Variants in SEMA5A observed in about 807,000 individuals in gnomAD.
SEMA5A encodes semaphorin 5A, also known as semaphorin-5A.
Under a neutral mutation model 135.5 loss-of-function variants are expected in SEMA5A, and 55 were observed. The observed-to-expected ratio is 0.41, with a 90% CI of 0.33 to 0.51. The LOEUF (loss-of-function observed/expected upper bound fraction) is 0.51, where lower values mean the gene tolerates loss of function less well. SEMA5A is among the 20% of genes least tolerant of loss of function. The pLI is 0.37. For synonymous variants in SEMA5A, 580 were observed against 546.5 expected, an observed-to-expected ratio of 1.06 and a Z score of -0.85; for missense variants, 1,290 against 1,419.9, an observed-to-expected ratio of 0.91 and a Z score of 1.47.
intron 12 of SEMA5A, among the ~76,000 whole-genome samples, chr5:9,143,282 A>C (rs1163417353): frequency 6.6e-6 from 1 of 152,182 alleles, no homozygotes; most frequent in African/African-American, 2.4e-5. Context: ...CTATATTGAA[A>C]ATACTAAGTC....
intron 5 of SEMA5A, among the ~76,000 whole-genome samples, chr5:9,274,023 C>T (rs1368844934): frequency 6.6e-6 from 1 of 152,082 alleles, no homozygotes; most frequent in South Asian, 2.1e-4. Context: ...TTAAATGCCC[C>T]AATTAAAAGA....
Position 9,082,445 on chromosome 5 carries a change from T to G in SEMA5A, c.2074-15799A>C, listed in dbSNP as rs1403919904. The stretch of plus-strand genomic sequence containing the variant: ...GGTTGATGTCTTGAAAACAATTTTC[T>G]TCTCTGAGTTCACTCAGAAGCGGGC... On this transcript the variant is annotated intron_variant, in intron 16 of 22. Coordinates refer to ENST00000382496, the MANE Select transcript of SEMA5A (RefSeq NM_003966.3). 2.0e-5 allele frequency among the ~76,000 whole-genome samples: 3 copies of G among 152,296 alleles called. No homozygotes were observed. In the East Asian group the frequency reaches 5.8e-4, roughly 29 times the overall value.
intron 16 of SEMA5A, among the ~76,000 whole-genome samples, chr5:9,094,770 C>G (rs1052928671): frequency 2.0e-5 from 3 of 152,136 alleles, no homozygotes; most frequent in African/African-American, 7.2e-5. Flanking sequence ...TTAGGATAGA[C>G]TGAAACAGAT....
chr5:9,231,877 A>C (rs1284194481), intron 6 of SEMA5A, among the ~76,000 whole-genome samples: 1 of 152,216 alleles, frequency 6.6e-6, no homozygotes, highest in African/African-American at 2.4e-5. Flanking sequence ...CAAGGCCTCT[A>C]GCAGCTTGCT....
chr5:9,331,785 G>C (rs905148171), intron 4 of SEMA5A, among the ~76,000 whole-genome samples: 1 of 152,118 alleles, frequency 6.6e-6, no homozygotes, highest in South Asian at 2.1e-4. Flanking sequence ...ATCGTTTAAG[G>C]GTTTTGAATA....
At chr5:9,119,208 C>A in intron 14 of SEMA5A, 67 bp from the exon 15 acceptor site, 1 of 1,567,380 alleles carries the variant, frequency 6.4e-7, no homozygotes, top group African/African-American at 1.4e-5. Context: ...TGTCTGCACC[C>A]ACGGCCAAAT....
intron 2 of SEMA5A, among the ~76,000 whole-genome samples, chr5:9,385,909 C>T (rs1251802999): frequency 2.0e-5 from 3 of 146,416 alleles, no homozygotes; most frequent in African/African-American, 7.6e-5. Context: ...TCAAGCAATT[C>T]TCCTGCCTCA....
At chr5:9,184,121 G>GT (rs57657421) in intron 11 of SEMA5A, among the ~76,000 whole-genome samples, 16,952 of 150,396 alleles carry the variant, frequency 0.11, 1,625 homozygotes, top group African/African-American at 0.24. Context: ...GTGAGTGTCT[G>GT]TTTTTTTTTA....
intron 3 of SEMA5A, among the ~76,000 whole-genome samples, chr5:9,377,539 C>CA (rs527556974): frequency 6.1e-4 from 81 of 132,364 alleles, no homozygotes; most frequent in African/African-American, 1.2e-3. Flanking sequence ...TACGCGAGGA[C>CA]AAAAAAAAAA....
chr5:9,175,227 A>G lies in SEMA5A; in HGVS notation c.1273+15040T>C, dbSNP rs75302404. ...GTCAAGTTACTCCCAAGCAGTGGAT[A>G]CTCTTTTCTTGCAGGATTCCTTAAA... On this transcript the variant is annotated intron_variant, in intron 11 of 22. Coordinates refer to ENST00000382496, the MANE Select transcript of SEMA5A (RefSeq NM_003966.3). 5.9e-5 allele frequency among the ~76,000 whole-genome samples: 9 copies of G among 151,792 alleles called. No homozygotes were observed. The East Asian group carries it at 1.7e-3, about 29-fold the overall frequency.
At chr5:9,476,148 C>T (rs894017148) in intron 1 of SEMA5A, among the ~76,000 whole-genome samples, 2 of 152,102 alleles carry the variant, frequency 1.3e-5, no homozygotes, top group African/African-American at 4.8e-5. Flanking sequence ...CTTTATTTAA[C>T]CAGGTCACTT....
intron 12 of SEMA5A, among the ~76,000 whole-genome samples, chr5:9,144,822 G>A (rs1388982106): frequency 6.6e-6 from 1 of 152,194 alleles, no homozygotes; most frequent in African/African-American, 2.4e-5. Flanking sequence ...AGAGTCTCAT[G>A]AACTGTTGAT....
chr5:9,152,145 C>T (rs1006788462), intron 12 of SEMA5A, among the ~76,000 whole-genome samples: 2 of 152,198 alleles, frequency 1.3e-5, no homozygotes, highest in African/African-American at 4.8e-5. Flanking sequence ...TTGCCTCATG[C>T]TCTGTAAGCC....
At chr5:9,216,796 G>A (rs1191454434) in intron 8 of SEMA5A, among the ~76,000 whole-genome samples, 1 of 152,190 alleles carries the variant, frequency 6.6e-6, no homozygotes, top group Non-Finnish European at 1.5e-5. Flanking sequence ...AAATTAAAAT[G>A]GCAAACCCTG....
At chr5:9,189,671 C>A (rs546894642) in intron 11 of SEMA5A, among the ~76,000 whole-genome samples, 34 of 152,264 alleles carry the variant, frequency 2.2e-4, no homozygotes, top group Admixed American at 2.6e-4. Flanking sequence ...ACACCCAGAG[C>A]CGTCTGTGTA....
chr5:9,516,278 G>A (rs764631954), intron 1 of SEMA5A, among the ~76,000 whole-genome samples: 6 of 151,744 alleles, frequency 4.0e-5, no homozygotes, highest in Middle Eastern at 3.4e-3. Flanking sequence ...AAATACACAC[G>A]TATACACACA....
chr5:9,278,113 TAAAA>T (rs58789253), intron 5 of SEMA5A, among the ~76,000 whole-genome samples: 1 of 143,322 alleles, frequency 7.0e-6, no homozygotes, highest in Non-Finnish European at 1.5e-5. Context: ...CATGTAAACT[TAAAA>T]AAAAAAAAAA....
intron 1 of SEMA5A, among the ~76,000 whole-genome samples, chr5:9,524,914 T>C (rs886357003): frequency 6.6e-6 from 1 of 152,188 alleles, no homozygotes; most frequent in African/African-American, 2.4e-5. Flanking sequence ...TTTGACACTT[T>C]GGCTTAGATA....
At chr5:9,428,263 A>G (rs1479767771) in intron 2 of SEMA5A, among the ~76,000 whole-genome samples, 1 of 152,018 alleles carries the variant, frequency 6.6e-6, no homozygotes, top group African/African-American at 2.4e-5. Context: ...GTACATCCAG[A>G]TAACTATGTT....
Sources: allele counts gnomAD v4.1 joint callset (sites outside exome capture counted in the v4.1 genomes callset), GRCh38; gene constraint gnomAD v4.1.1; transcripts MANE v1.5; gene names NCBI Gene and HGNC (gene_info 2026-07-23, HGNC 2026-07-21).